ZBED4: variants seen among roughly 807,000 people sequenced by gnomAD.
ZBED4 encodes the protein zinc finger BED domain-containing protein 4.
A neutral mutation model predicts 15.5 loss-of-function variants in ZBED4; 4 were observed. The observed-to-expected ratio is 0.26, with a 90% CI of 0.13 to 0.59. The LOEUF is 0.59. ZBED4 is among the 20% of genes least tolerant of loss of function. The pLI, the probability that ZBED4 is intolerant of heterozygous loss-of-function variation, is 0.90. For synonymous variants in ZBED4, 692 were observed against 608.5 expected (o/e 1.14, Z -2.02); for missense variants, 1,323 against 1,461.8 (o/e 0.91, Z 1.55).
At chr22:49,863,620 C>T (rs1234490159) in intron 1 of ZBED4, among the ~76,000 whole-genome samples, 15 of 139,724 alleles carry the variant, frequency 1.1e-4, no homozygotes, top group African/African-American at 3.5e-4. Flanking sequence ...AGCGAGACTC[C>T]GTCTCAAAAA....
chr22:49,861,784 C>G (rs967318741), intron 1 of ZBED4, among the ~76,000 whole-genome samples: 1 of 152,178 alleles, frequency 6.6e-6, no homozygotes, highest in Non-Finnish European at 1.5e-5. Context: ...ATGTGTGGGT[C>G]CTATTGACGG....
chr22:49,870,132 C>A (rs2060339860), intron 1 of ZBED4, among the ~76,000 whole-genome samples: 1 of 152,190 alleles, frequency 6.6e-6, no homozygotes, highest in African/African-American at 2.4e-5. Flanking sequence ...CAGATGCATG[C>A]ATGTTGCTGC....
At position 49,883,417 on chromosome 22, in the gene ZBED4, A is replaced by G. The variant is rs2060419576; in HGVS notation, c.-246A>G. The G allele has an allele frequency of 2.4e-6, 1 of 409,016 alleles. No individual in the cohort carries two copies. The allele number at this position is 409,016 out of a possible 1,614,324, so 25.3% of individuals were successfully genotyped here. On this transcript the variant is annotated 5_prime_UTR_variant, in exon 2 of 2. Transcript: ENST00000216268. The stretch of plus-strand genomic sequence containing the variant: ...GACCAGAAGCACGTCTCTGCTGCAC[A>G]CATTGTTGTCTACACCATGAGTGTT...
Position 49,854,484 on chromosome 22 carries a change from G to C in ZBED4, c.-330+495G>C, listed in dbSNP as rs200063689. 7.2e-5 allele frequency among the ~76,000 whole-genome samples: 11 copies of C among 152,368 alleles called. No individual in the cohort carries two copies. In the East Asian group the frequency reaches 2.1e-3, roughly 29 times the overall value. On this transcript the variant is annotated intron_variant, in intron 1 of 1. Coordinates refer to ENST00000216268, the MANE Select transcript of ZBED4 (RefSeq NM_014838.3). ...GGTCCTTGCGACGCGCCCCGAGGCA[G>C]GTTATTGTACGTGGTTCTGGGGATG...
rs752489190 is a variant in ZBED4 at position 49,884,321 on chromosome 22, A to G, written c.659A>G (p.Asp220Gly). Reference sequence around the variant, plus strand: ...GTGGCGTCTAAGATCCCGTCCCCCGATCGAATAACAGAGGAGTCTGTGTCT... The same window carrying G: ...GTGGCGTCTAAGATCCCGTCCCCCGGTCGAATAACAGAGGAGTCTGTGTCT... ...QKVASKIPSP[D>G]RITEESVSVV... The change falls in exon 2 of 2, where the codon GAT (aspartate) becomes GGT (glycine). Residue 220 changes from aspartate (D) to glycine (G), a missense_variant. Physicochemically the swap from Asp to Gly is moderately conservative, Grantham distance 94 (BLOSUM62 -1). Around this residue, in one of 6 missense-constraint regions of ZBED4, gnomAD observed 380 missense variants for 413.7 expected, o/e 0.92. Transcript: ENST00000216268. 1.2e-6 allele frequency: 2 copies of G among 1,613,646 alleles called. No homozygotes were observed. Among genetic ancestry groups the G allele is most frequent in the African/African-American group, 2.7e-5 (2 of 74,926 alleles).
chr22:49,888,621 T>A lies in ZBED4; in HGVS notation c.*1443T>A, dbSNP rs1049177915. The A allele has an allele frequency of 1.8e-5, 3 of 167,272 alleles. No individual in the cohort carries two copies. The highest frequency in any genetic ancestry group is 7.2e-5 in the African/African-American group (3 of 41,458). 10.4% of individuals were successfully genotyped at this position (167,272 alleles called of 1,614,324 possible). On this transcript the variant is annotated 3_prime_UTR_variant, in exon 2 of 2. Coordinates refer to ENST00000216268, the MANE Select transcript of ZBED4 (RefSeq NM_014838.3). ...ACAACAGTTCTGATCATGGCCATGG[T>A]GATGACTTTCCAGGTCTCGTGTTCA...
At chr22:49,866,397 T>TA (rs1327792081) in intron 1 of ZBED4, among the ~76,000 whole-genome samples, 3 of 152,084 alleles carry the variant, frequency 2.0e-5, no homozygotes, top group East Asian at 1.9e-4. Flanking sequence ...TCTTTTTCAT[T>TA]AAAAAAAATT....
intron 1 of ZBED4, among the ~76,000 whole-genome samples, chr22:49,864,684 G>T (rs1350415854): frequency 5.3e-5 from 8 of 152,040 alleles, no homozygotes; most frequent in African/African-American, 1.9e-4. Context: ...AGCCAGGTGT[G>T]GTGACACTCA....
rs1402197186 is a variant in ZBED4, at chr22:49,889,061, C to T, written c.*1883C>T. 1 of 167,264 alleles carries T rather than the reference C, an allele frequency of 6.0e-6. No homozygotes were observed. The highest frequency in any genetic ancestry group is 6.5e-5 in the Admixed American group (1 of 15,290). The allele number at this position is 167,264 out of a possible 1,614,324, so 10.4% of individuals were successfully genotyped here. A position where few individuals can be genotyped will look rare whatever the true frequency, so the allele number is the denominator to read the frequency against. Reference sequence around the variant, plus strand: ...TTCTCTCCAAAACAAGCCAGCACAACTAACTGTAGCAGAATTGTATCCACT... The same window carrying T: ...TTCTCTCCAAAACAAGCCAGCACAATTAACTGTAGCAGAATTGTATCCACT... On this transcript the variant is annotated 3_prime_UTR_variant, in exon 2 of 2. Coordinates refer to ENST00000216268, the MANE Select transcript of ZBED4 (RefSeq NM_014838.3).
chr22:49,868,282 A>G (rs2060330877), intron 1 of ZBED4, among the ~76,000 whole-genome samples: 1 of 152,268 alleles, frequency 6.6e-6, no homozygotes, highest in African/African-American at 2.4e-5. Context: ...TGTTACAAGC[A>G]AACAAATGAG....
At chr22:49,881,032 T>G (rs9628164) in intron 1 of ZBED4, among the ~76,000 whole-genome samples, 1,551 of 152,344 alleles carry the variant, frequency 0.01, 25 homozygotes, top group African/African-American at 0.036. Flanking sequence ...TTTTGGACAT[T>G]ATATGTGGAA....
rs764553170 is a variant in ZBED4, at chr22:49,885,808, A to G, written c.2146A>G (p.Ile716Val). 18 of 1,592,680 alleles carry G rather than the reference A, an allele frequency of 1.1e-5. No homozygotes were observed. The highest frequency in any genetic ancestry group is 1.4e-5 in the Non-Finnish European group (16 of 1,161,096). Residue 716 changes from isoleucine to valine, a missense_variant, in exon 2 of 2, where the codon ATT (isoleucine) becomes GTT (valine). Coordinates refer to ENST00000216268, the MANE Select transcript of ZBED4 (RefSeq NM_014838.3). ...PGMYDNVKQI[I>V]MSHLKEAESG... ...TATGTATGATAATGTGAAGCAGATA[A>G]TTATGTCCCACCTTAAGGAAGCTGA...
Position 49,880,715 on chromosome 22 carries a change from G to C in ZBED4, c.-329-2619G>C, listed in dbSNP as rs566807363. Among the ~76,000 whole-genome samples the C allele has an allele frequency of 3.2e-4, 48 of 152,278 alleles. 1 individual carries two copies. In the South Asian group the frequency reaches 9.9e-3, roughly 32 times the overall value. The stretch of plus-strand genomic sequence containing the variant: ...TTCCAAAATAATTTTATTTATTCCT[G>C]ATTCTTTGTATTCCCATATCAATTT... On this transcript the variant is annotated intron_variant, in intron 1 of 1. Transcript: ENST00000216268.
intron 1 of ZBED4, among the ~76,000 whole-genome samples, chr22:49,876,816 T>C (rs111553402): frequency 0.11 from 17,144 of 152,230 alleles, 1,341 homozygotes; most frequent in African/African-American, 0.21. Flanking sequence ...TTAGTAGTGG[T>C]ATTTCCATTT....
rs980771738 is a variant in ZBED4, at chr22:49,889,649, A to G, written c.*2471A>G. 3.6e-5 allele frequency: 6 copies of G among 167,018 alleles called. No homozygotes were observed. The highest frequency in any genetic ancestry group is 2.9e-5 in the Non-Finnish European group (2 of 68,084). The allele number at this position is 167,018 out of a possible 1,614,324, so 10.3% of individuals were successfully genotyped here. A position where few individuals can be genotyped will look rare whatever the true frequency, so the allele number is the denominator to read the frequency against. Reference sequence around the variant, plus strand: ...TCATTTTATCTCATACATTCCCTTCATTTCGTTGGTGGACATTTGTTGAAA... The same window carrying G: ...TCATTTTATCTCATACATTCCCTTCGTTTCGTTGGTGGACATTTGTTGAAA... On this transcript the variant is annotated 3_prime_UTR_variant, in exon 2 of 2. Transcript: ENST00000216268.
At chr22:49,866,407 T>G (rs1190367591) in intron 1 of ZBED4, among the ~76,000 whole-genome samples, 1 of 152,154 alleles carries the variant, frequency 6.6e-6, no homozygotes, top group African/African-American at 2.4e-5. Flanking sequence ...TAAAAAAAAT[T>G]GTGTTTCCCT....
rs2147554659 is a variant in ZBED4 at position 49,886,904 on chromosome 22, C to T, written c.3242C>T (p.Pro1081Leu). ...VKKKDPREKL[P>L]EAMVLAYLEE... is the part of the protein sequence containing the mutation. ...AAGAAAGACCCAAGAGAAAAGCTGC[C>T]TGAAGCCATGGTGCTTGCGTATCTG... Residue 1081 changes from proline to leucine, a missense_variant, in exon 2 of 2, where the codon CCT (proline) becomes CTT (leucine). Physicochemically the swap from Pro to Leu is moderately conservative, Grantham distance 98 (BLOSUM62 -3). This residue lies in a region of ZBED4 where 312 missense variants were observed against 410.7 expected (regional missense o/e 0.76). Coordinates refer to ENST00000216268, the MANE Select transcript of ZBED4 (RefSeq NM_014838.3). This position sits in a 1 kb window ranked among gnomAD's most constrained non-coding sequence, Gnocchi z 7.7. The T allele has an allele frequency of 2.5e-6, 4 of 1,614,150 alleles. No individual in the cohort carries two copies. The highest frequency in any genetic ancestry group is 3.4e-6 in the Non-Finnish European group (4 of 1,180,028).
At chr22:49,855,409 C>G (rs1428925169) in intron 1 of ZBED4, among the ~76,000 whole-genome samples, 5 of 152,168 alleles carry the variant, frequency 3.3e-5, no homozygotes, top group Non-Finnish European at 5.9e-5. Context: ...GATGTAAAAC[C>G]TCTGCTCTTT....
At position 49,887,263 on chromosome 22, in the gene ZBED4, G is replaced by A. The variant is rs569568228; in HGVS notation, c.*85G>A. ...CAGGTCTATGACCCGCTCTGCCCAC[G>A]GCTGTGTACGACATCAGACCAGGCA... On this transcript the variant is annotated 3_prime_UTR_variant, in exon 2 of 2. Transcript: ENST00000216268. 3.7e-5 allele frequency: 52 copies of A among 1,415,822 alleles called. No individual in the cohort carries two copies. Among genetic ancestry groups the A allele is most frequent in the Middle Eastern group, 2.4e-4 (1 of 4,240 alleles). The allele number at this position is 1,415,822 out of a possible 1,614,324, so 87.7% of individuals were successfully genotyped here.
Sources: allele counts gnomAD v4.1 joint callset (sites outside exome capture counted in the v4.1 genomes callset), GRCh38; gene constraint gnomAD v4.1.1; regional missense constraint gnomAD v4.1.1; non-coding constraint Gnocchi (gnomAD v3.1); transcripts MANE v1.5; gene names NCBI Gene and HGNC (gene_info 2026-07-23, HGNC 2026-07-21).